HSPB8: variants seen among roughly 807,000 people sequenced by gnomAD.
The protein encoded by HSPB8 is heat shock protein beta-8.
Under a neutral mutation model 16.5 loss-of-function variants are expected in HSPB8, and 9 were observed. That is an observed-to-expected ratio of 0.55 (90% CI 0.33 to 0.95). HSPB8 has a LOEUF of 0.95. Among genes scored for constraint, HSPB8 ranks in the 40% least tolerant of loss-of-function variants. The pLI, the probability that HSPB8 is intolerant of heterozygous loss-of-function variation, is 0.03. For synonymous variants in HSPB8, 99 were observed against 94.8 expected (o/e 1.04, Z -0.26); for missense variants, 238 against 251.2 (o/e 0.95, Z 0.35).
rs930012055 is a variant in HSPB8 at position 119,194,274 on chromosome 12, C to A, written c.*416C>A. On this transcript the variant is annotated 3_prime_UTR_variant, in exon 3 of 3. Transcript: ENST00000281938. ...CGATTCCCATGGCTCCCAAACCATGCCGCATGGTTTGGTTAATGAAACCCA... is the reference window on the plus strand; with the variant it reads ...CGATTCCCATGGCTCCCAAACCATGACGCATGGTTTGGTTAATGAAACCCA... The A allele has an allele frequency of 1.1e-5, 3 of 283,558 alleles. No homozygotes were observed. The East Asian group carries it at 2.8e-4, about 27-fold the overall frequency. The allele number at this position is 283,558 out of a possible 1,614,324, so 17.6% of individuals were successfully genotyped here. A position where few individuals can be genotyped will look rare whatever the true frequency, so the allele number is the denominator to read the frequency against.
At chr12:119,190,109 T>C (rs1174557104) in intron 2 of HSPB8, among the ~76,000 whole-genome samples, 1 of 152,148 alleles carries the variant, frequency 6.6e-6, no homozygotes, top group African/African-American at 2.4e-5. Context: ...AGAGGATGTG[T>C]ATAACGCATT....
intron 2 of HSPB8, among the ~76,000 whole-genome samples, chr12:119,187,298 C>T (rs1449923684): frequency 2.0e-5 from 3 of 152,152 alleles, no homozygotes; most frequent in African/African-American, 7.2e-5. Flanking sequence ...ATTGCATCAT[C>T]TCATCTGCTC....
At chr12:119,185,232 G>A (rs1222755291) in intron 1 of HSPB8, among the ~76,000 whole-genome samples, 3 of 151,334 alleles carry the variant, frequency 2.0e-5, no homozygotes, top group Admixed American at 6.6e-5. Context: ...ATAGCTTACT[G>A]TAACCTCAAA....
At chr12:119,193,046 G>T (rs1258591914) in intron 2 of HSPB8, among the ~76,000 whole-genome samples, 3 of 152,170 alleles carry the variant, frequency 2.0e-5, no homozygotes, top group Non-Finnish European at 4.4e-5. Context: ...TGAGATTTAG[G>T]TGGACACAGC....
chr12:119,192,794 G>T (rs1744013380), intron 2 of HSPB8, among the ~76,000 whole-genome samples: 1 of 152,138 alleles, frequency 6.6e-6, no homozygotes, highest in Admixed American at 6.6e-5. Context: ...TGGACTCACA[G>T]TTCCACATGG....
At chr12:119,180,327 T>C (rs1404389830) in intron 1 of HSPB8, among the ~76,000 whole-genome samples, 1 of 152,204 alleles carries the variant, frequency 6.6e-6, no homozygotes, top group Non-Finnish European at 1.5e-5. Flanking sequence ...GAGATTAAAG[T>C]AACTTGTTCA....
chr12:119,181,774 C>A (rs1481823769), intron 1 of HSPB8, among the ~76,000 whole-genome samples: 1 of 152,120 alleles, frequency 6.6e-6, no homozygotes, highest in Non-Finnish European at 1.5e-5. Flanking sequence ...TCCCTCTGAG[C>A]CTCATTTCTC....
intron 1 of HSPB8, among the ~76,000 whole-genome samples, chr12:119,185,648 A>ATTATTT (rs1954671531): frequency 6.6e-6 from 1 of 151,648 alleles, no homozygotes; most frequent in Non-Finnish European, 1.5e-5. Flanking sequence ...TATTATTATT[A>ATTATTT]TTATTTTTAG....
intron 2 of HSPB8, among the ~76,000 whole-genome samples, chr12:119,189,587 C>A (rs1954699569): frequency 6.6e-6 from 1 of 152,084 alleles, no homozygotes; most frequent in African/African-American, 2.4e-5. Flanking sequence ...AAGCATGCAA[C>A]CTAGATCCCT....
Position 119,179,422 on chromosome 12 carries a change from T to A in HSPB8, c.110T>A (p.Met37Lys). The change falls in exon 1 of 3, where the codon ATG becomes AAG. Residue 37 changes from methionine (M) to lysine (K), a missense_variant. Coordinates refer to ENST00000281938, the MANE Select transcript of HSPB8 (RefSeq NM_014365.3). ...SSRLLDDGFG[M>K]DPFPDDLTAS... Reference sequence around the variant, plus strand: ...CGCCTGCTGGATGATGGCTTTGGCATGGACCCCTTCCCAGACGACTTGACA... The same window carrying A: ...CGCCTGCTGGATGATGGCTTTGGCAAGGACCCCTTCCCAGACGACTTGACA... 2 of 1,614,124 alleles carry A rather than the reference T, an allele frequency of 1.2e-6. No homozygotes were observed. The highest frequency in any genetic ancestry group is 1.7e-6 in the Non-Finnish European group (2 of 1,180,022).
chr12:119,193,612 A>G, intron 2 of HSPB8, 87 bp from the exon 3 acceptor site: 1 of 1,436,142 alleles, frequency 7.0e-7, no homozygotes. Flanking sequence ...CTAAGCTCTT[A>G]TCAAAAATAT....
intron 2 of HSPB8, among the ~76,000 whole-genome samples, chr12:119,187,661 A>T (rs1209258726): frequency 6.6e-6 from 1 of 152,160 alleles, no homozygotes; most frequent in African/African-American, 2.4e-5. Flanking sequence ...CCCGGGGAAC[A>T]ACTCCCTTTT....
chr12:119,187,551 T>C lies in HSPB8; in HGVS notation c.431+463T>C, dbSNP rs956800420. On this transcript the variant is annotated intron_variant, in intron 2 of 2. Coordinates refer to ENST00000281938, the MANE Select transcript of HSPB8 (RefSeq NM_014365.3). Reference sequence around the variant, plus strand: ...TTGTATTTGTTTAGTAGAGATGGGGTTTCGCCATGTTGCCCACACTGGTCT... The same window carrying C: ...TTGTATTTGTTTAGTAGAGATGGGGCTTCGCCATGTTGCCCACACTGGTCT... 5.9e-5 allele frequency among the ~76,000 whole-genome samples: 9 copies of C among 152,104 alleles called. 1 individual carries two copies. The highest frequency in any genetic ancestry group is 4.2e-4 in the South Asian group (2 of 4,800).
At chr12:119,179,996 T>G (rs1232626732) in intron 1 of HSPB8, among the ~76,000 whole-genome samples, 1 of 152,098 alleles carries the variant, frequency 6.6e-6, no homozygotes, top group Non-Finnish European at 1.5e-5. Flanking sequence ...TAAGCAGATA[T>G]CAAAGAATTA....
chr12:119,188,655 A>T (rs1314959783), intron 2 of HSPB8, among the ~76,000 whole-genome samples: 5 of 152,164 alleles, frequency 3.3e-5, no homozygotes, highest in Admixed American at 2.6e-4. Flanking sequence ...AGTCTCCCAC[A>T]GGTGAAAGGA....
chr12:119,190,039 G>C (rs1954702979), intron 2 of HSPB8, among the ~76,000 whole-genome samples: 1 of 152,216 alleles, frequency 6.6e-6, no homozygotes, highest in Non-Finnish European at 1.5e-5. Context: ...GGGGCAACTT[G>C]CTTAACTGCT....
At chr12:119,184,939 T>C (rs7138273) in intron 1 of HSPB8, among the ~76,000 whole-genome samples, 12,346 of 152,190 alleles carry the variant, frequency 0.081, 615 homozygotes, top group East Asian at 0.22. Flanking sequence ...AATTATAATG[T>C]GTTAGCAAGA....
chr12:119,192,511 C>A (rs1227162869), intron 2 of HSPB8, among the ~76,000 whole-genome samples: 1 of 152,012 alleles, frequency 6.6e-6, no homozygotes, highest in East Asian at 1.9e-4. Flanking sequence ...AAAAATTAGC[C>A]AGGCATGGTG....
intron 1 of HSPB8, among the ~76,000 whole-genome samples, chr12:119,181,557 T>G (rs778772241): frequency 6.6e-5 from 10 of 152,226 alleles, no homozygotes; most frequent in Non-Finnish European, 1.5e-4. Flanking sequence ...GCTTAGTGAT[T>G]TGGGGGCCCC....
Sources: allele counts gnomAD v4.1 joint callset (sites outside exome capture counted in the v4.1 genomes callset), GRCh38; gene constraint gnomAD v4.1.1; transcripts MANE v1.5; gene names NCBI Gene and HGNC (gene_info 2026-07-23, HGNC 2026-07-21).